BRD9: variants seen among roughly 807,000 people sequenced by gnomAD.
BRD9 encodes the protein bromodomain containing 9.
Under a neutral mutation model 68.7 loss-of-function variants are expected in BRD9, and 47 were observed. The ratio of observed to expected loss-of-function variants is 0.68; its 90% CI spans 0.54 to 0.87. BRD9 has a LOEUF of 0.87. Among genes scored for constraint, BRD9 ranks in the 40% least tolerant of loss-of-function variants. The pLI is 0.00. For missense variants in BRD9, 670 were observed against 748.4 expected (o/e 0.90, Z 1.22); for synonymous variants, 313 against 293.9 (o/e 1.06, Z -0.67).
intron 4 of BRD9, 124 bp from the exon 5 acceptor site, chr5:889,289 C>T (rs539647073): frequency 2.1e-5 from 23 of 1,108,230 alleles, no homozygotes; most frequent in African/African-American, 6.4e-5. Flanking sequence ...AAGTTACGAG[C>T]GTCTTTTAAT....
At chr5:872,692 G>C (rs1405196317) in intron 12 of BRD9, among the ~76,000 whole-genome samples, 1 of 152,230 alleles carries the variant, frequency 6.6e-6, no homozygotes, top group Non-Finnish European at 1.5e-5. Flanking sequence ...TCAGGGGCCT[G>C]CGAGCCCTCC....
intron 12 of BRD9, among the ~76,000 whole-genome samples, chr5:872,981 A>G (rs1750370314): frequency 6.6e-6 from 1 of 152,194 alleles, no homozygotes; most frequent in African/African-American, 2.4e-5. Flanking sequence ...CCTGGCCAAC[A>G]TGGCGAAACT....
At chr5:888,307 T>C (rs1369801048) in intron 5 of BRD9, 2 of 152,356 alleles carry the variant, frequency 1.3e-5, no homozygotes, top group Admixed American at 1.3e-4. Flanking sequence ...GGAGTGCTCT[T>C]AACATCTACC....
chr5:871,848 G>A (rs1230538511), intron 12 of BRD9, among the ~76,000 whole-genome samples: 4 of 152,264 alleles, frequency 2.6e-5, no homozygotes, highest in African/African-American at 9.6e-5. Flanking sequence ...CGCCGATGCT[G>A]TTTCGGCAGC....
chr5:866,393 G>GA (rs1337206177), intron 14 of BRD9: 1 of 152,260 alleles, frequency 6.6e-6, no homozygotes, highest in East Asian at 1.9e-4. Context: ...TGATATCAGG[G>GA]AATCAGTAGA....
chr5:876,818 T>A (rs949414832), intron 11 of BRD9, among the ~76,000 whole-genome samples: 5 of 152,140 alleles, frequency 3.3e-5, no homozygotes, highest in African/African-American at 1.2e-4. Flanking sequence ...TGGCTGCTGG[T>A]CAGAAGCTGA....
Position 884,067 on chromosome 5 carries a change from G to A in BRD9, c.837C>T (p.Cys279=), listed in dbSNP as rs773649721. The change falls in exon 8 of 16, where the codon TGC becomes TGT. Residue 279 remains cysteine (C), a synonymous_variant. Transcript: ENST00000467963. Reference sequence around the variant, plus strand: ...AGGCATTCCCTTCAGGCTCAAACATGCAGCTGTGAGGTGGGGACAACCAAG... The same window carrying A: ...AGGCATTCCCTTCAGGCTCAAACATACAGCTGTGAGGTGGGGACAACCAAG... ...SKKPSREVIS[C]MFEPEGNACS... is the part of the protein sequence containing the mutation. The A allele has an allele frequency of 2.5e-6, 4 of 1,613,054 alleles. No homozygotes were observed. In the East Asian group the frequency reaches 6.7e-5, roughly 27 times the overall value.
At chr5:871,133 C>T (rs941954346) in intron 13 of BRD9, among the ~76,000 whole-genome samples, 8 of 152,232 alleles carry the variant, frequency 5.3e-5, no homozygotes, top group African/African-American at 1.2e-4. Flanking sequence ...ACCTGCCAAT[C>T]GGCAGGTGCA....
chr5:863,845 C>T lies in BRD9; in HGVS notation c.*623G>A, dbSNP rs1748955992. On this transcript the variant is annotated 3_prime_UTR_variant, in exon 16 of 16. Coordinates refer to ENST00000467963, the MANE Select transcript of BRD9 (RefSeq NM_023924.5). ...CAATTAAACAGAAAACAGGGGAGCT[C>T]TCCTCACCCCAGCCTGGCCCTGTGC... The T allele has an allele frequency of 6.6e-6, 1 of 152,494 alleles. No homozygotes were observed. Among genetic ancestry groups the T allele is most frequent in the Non-Finnish European group, 1.5e-5 (1 of 68,162 alleles). 9.4% of individuals were successfully genotyped at this position (152,494 alleles called of 1,614,324 possible).
chr5:868,387 A>G (rs1317851185), intron 14 of BRD9, among the ~76,000 whole-genome samples: 1 of 152,238 alleles, frequency 6.6e-6, no homozygotes, highest in African/African-American at 2.4e-5. Flanking sequence ...AGAAGTAGTA[A>G]TAAGGACAAA....
rs1753344190 is a variant in BRD9 at position 891,289 on chromosome 5, T to C, written c.268-2A>G. On this transcript the variant is annotated splice_acceptor_variant, in intron 2 of 15. Coordinates refer to ENST00000467963, the MANE Select transcript of BRD9 (RefSeq NM_023924.5). LOFTEE classifies it high-confidence loss of function. ...CTCTCGCTTCCGCTTCTTCTCTTCC[T>C]GGGCGGCAGAGTCAAGGGAGTGAGA... is the stretch of plus-strand genomic sequence containing the variant. 1.9e-6 allele frequency: 3 copies of C among 1,551,116 alleles called. No individual in the cohort carries two copies. Among genetic ancestry groups the C allele is most frequent in the Non-Finnish European group, 1.7e-6 (2 of 1,146,726 alleles).
At position 864,519 on chromosome 5, in the gene BRD9, G is replaced by A. The variant is rs573206923; in HGVS notation, c.1743C>T (p.Asp581=). 1.9e-5 allele frequency: 31 copies of A among 1,614,080 alleles called. No homozygotes were observed. Among genetic ancestry groups the A allele is most frequent in the Non-Finnish European group, 2.5e-5 (29 of 1,179,964 alleles). The part of the protein sequence containing the change: ...SVGEQPDVTH[D]PYEFLQSPEP... Reference sequence around the variant, plus strand: ...CTGGAGACTGAAGAAACTCATAGGGGTCGTGGGTGACGTCTGGCTGCTCCC... The same window carrying A: ...CTGGAGACTGAAGAAACTCATAGGGATCGTGGGTGACGTCTGGCTGCTCCC... Residue 581 remains aspartate (D), a synonymous_variant, in exon 16 of 16, where the codon GAC becomes GAT. Transcript: ENST00000467963.
rs773829921 is a variant in BRD9, at chr5:871,542, G to A, written c.1406C>T (p.Pro469Leu). Residue 469 changes from proline to leucine, a missense_variant, in exon 13 of 16, where the codon CCT (proline) becomes CTT (leucine). Pro to Leu is a moderately conservative substitution (Grantham distance 98, BLOSUM62 -3). Transcript: ENST00000467963. ...LKQRRNVPMK[P>L]PDEAKVGDTL... ...AAAACTTACCTTGGCTTCATCTGGA[G>A]GCTTCATGGGAACATTTCTTCTCTG... 2.5e-6 allele frequency: 4 copies of A among 1,614,158 alleles called. No homozygotes were observed. In the East Asian group the frequency reaches 8.9e-5, roughly 36 times the overall value.
chr5:892,734 CT>C lies in BRD9; in HGVS notation c.-78del. On this transcript the variant is annotated 5_prime_UTR_variant, in exon 1 of 16. Coordinates refer to ENST00000467963, the MANE Select transcript of BRD9 (RefSeq NM_023924.5). The stretch of plus-strand genomic sequence containing the variant: ...GTCGGACCTTGGCCGCCACCGCCCC[CT>C]GGCCCTGGCTGGCCGCCCGCGCTCG... The C allele has an allele frequency of 1.7e-6, 2 of 1,209,278 alleles. No individual in the cohort carries two copies. Among genetic ancestry groups the C allele is most frequent in the Non-Finnish European group, 2.1e-6 (2 of 962,782 alleles). 74.9% of individuals were successfully genotyped at this position (1,209,278 alleles called of 1,614,324 possible).
At chr5:891,345 C>G in intron 2 of BRD9, 58 bp from the exon 3 acceptor site, 3 of 1,525,016 alleles carry the variant, frequency 2.0e-6, no homozygotes, top group Non-Finnish European at 2.6e-6. Context: ...CCGGACAGGT[C>G]TGCCCAATCC....
Position 892,731 on chromosome 5 carries a change from C to G in BRD9, c.-74G>C, listed in dbSNP as rs111286164. On this transcript the variant is annotated 5_prime_UTR_variant, in exon 1 of 16. Transcript: ENST00000467963. ...CCGGTCGGACCTTGGCCGCCACCGC[C>G]CCCTGGCCCTGGCTGGCCGCCCGCG... The G allele has an allele frequency of 8.1e-7, 1 of 1,240,720 alleles. No homozygotes were observed. The highest frequency in any genetic ancestry group is 4.3e-5 in the Admixed American group (1 of 23,182). The allele number at this position is 1,240,720 out of a possible 1,614,324, so 76.9% of individuals were successfully genotyped here. A position where few individuals can be genotyped will look rare whatever the true frequency, so the allele number is the denominator to read the frequency against.
chr5:870,493 A>T lies in BRD9; in HGVS notation c.1505T>A (p.Ile502Asn), dbSNP rs1173440826. The T allele has an allele frequency of 1.2e-6, 2 of 1,613,896 alleles. No homozygotes were observed. The highest frequency in any genetic ancestry group is 2.7e-5 in the African/African-American group (2 of 74,934). The change falls in exon 14 of 16, where the codon ATC becomes AAC. Residue 502 changes from isoleucine (I) to asparagine (N), a missense_variant. Physicochemically the swap from Ile to Asn is moderately radical, Grantham distance 149 (BLOSUM62 -3). Coordinates refer to ENST00000467963, the MANE Select transcript of BRD9 (RefSeq NM_023924.5). ...CTCACCCAGAGAGCTGAGCATGGAG[A>T]TATCCACAGAAACGTCGGGATAGGA... Reference protein sequence around the residue: ...MKSYPDVSVDISMLSSLGKVK... With the variant: ...MKSYPDVSVDNSMLSSLGKVK...
rs564150567 is a variant in BRD9, at chr5:880,962, C to T, written c.1042+145G>A. The T allele has an allele frequency of 2.8e-3, 2,269 of 803,248 alleles. 6 individuals carry two copies. Among genetic ancestry groups the T allele is most frequent in the Non-Finnish European group, 3.7e-3 (1,886 of 505,218 alleles). 49.8% of individuals were successfully genotyped at this position (803,248 alleles called of 1,614,324 possible). ...ACACCTCCACTCAGCGCACGTGTCACGTTGGGGTGCGAGCAAGGTCGGGAA... is the reference window on the plus strand; with the variant it reads ...ACACCTCCACTCAGCGCACGTGTCATGTTGGGGTGCGAGCAAGGTCGGGAA... On this transcript the variant is annotated intron_variant, in intron 9 of 15. Coordinates refer to ENST00000467963, the MANE Select transcript of BRD9 (RefSeq NM_023924.5).
rs377501589 is a variant in BRD9 at position 872,693 on chromosome 5, C to T, written c.1384-1129G>A. Among the ~76,000 whole-genome samples, 55 of 152,286 alleles carry T rather than the reference C, an allele frequency of 3.6e-4. No homozygotes were observed. The East Asian group carries it at 7.7e-3, about 21-fold the overall frequency. On this transcript the variant is annotated intron_variant, in intron 12 of 15. Transcript: ENST00000467963. ...CTGCAACCCTCTCTTCAGGGGCCTG[C>T]GAGCCCTCCAAGCATGGAAATCAAG...
Sources: allele counts gnomAD v4.1 joint callset (sites outside exome capture counted in the v4.1 genomes callset), GRCh38; gene constraint gnomAD v4.1.1; transcripts MANE v1.5; gene names NCBI Gene and HGNC (gene_info 2026-07-23, HGNC 2026-07-21).